FOXJ3: variants seen among roughly 807,000 people sequenced by gnomAD.
The protein encoded by FOXJ3 is forkhead box J3, also known as forkhead box protein J3.
Under a neutral mutation model 76.1 loss-of-function variants are expected in FOXJ3, and 22 were observed. The ratio of observed to expected loss-of-function variants is 0.29; its 90% CI spans 0.21 to 0.41. The LOEUF (loss-of-function observed/expected upper bound fraction) is 0.41. FOXJ3 is among the 10% of genes least tolerant of loss of function. The pLI is 1.00. For missense variants in FOXJ3, 613 were observed against 762.1 expected, an observed-to-expected ratio of 0.80 and a Z score of 2.30; for synonymous variants, 269 against 261.2, an observed-to-expected ratio of 1.03 and a Z score of -0.29.
chr1:42,198,357 G>A (rs1437220321), intron 7 of FOXJ3, among the ~76,000 whole-genome samples: 2 of 151,322 alleles, frequency 1.3e-5, no homozygotes, highest in Non-Finnish European at 1.5e-5. Flanking sequence ...ATTTTCTTTC[G>A]GGTCCCTCCC....
chr1:42,251,706 A>ATTTTTTTTTTTTT (rs1168120638), intron 4 of FOXJ3, among the ~76,000 whole-genome samples: 5 of 87,564 alleles, frequency 5.7e-5, no homozygotes, highest in African/African-American at 2.5e-4. Context: ...GTTTGCCAGT[A>ATTTTTTTTTTTTT]TTTTTTTTTT....
intron 5 of FOXJ3, among the ~76,000 whole-genome samples, chr1:42,221,210 A>C (rs1352627860): frequency 6.6e-6 from 1 of 152,222 alleles, no homozygotes; most frequent in Non-Finnish European, 1.5e-5. Context: ...AAAAAAGCAA[A>C]GAACATCTGA....
chr1:42,189,587 T>C (rs1646502826), intron 9 of FOXJ3, 183 bp from the exon 10 acceptor site: 1 of 488,230 alleles, frequency 2.0e-6, no homozygotes, highest in East Asian at 3.6e-5. Flanking sequence ...AAAGGTATTA[T>C]TTCTCTCCAT....
At chr1:42,313,074 C>A (rs754831093) in intron 1 of FOXJ3, among the ~76,000 whole-genome samples, 27 of 152,284 alleles carry the variant, frequency 1.8e-4, no homozygotes, top group Non-Finnish European at 3.1e-4. Flanking sequence ...GTGGCTCATA[C>A]CTGTAATCCC....
intron 8 of FOXJ3, among the ~76,000 whole-genome samples, 156 bp from the exon 9 acceptor site, chr1:42,191,875 C>T (rs555645850): frequency 6.6e-6 from 1 of 152,302 alleles, no homozygotes; most frequent in South Asian, 2.1e-4. Context: ...ACACTAGGCT[C>T]TGTGGTTATT....
At chr1:42,294,483 G>GC (rs1398009958) in intron 2 of FOXJ3, among the ~76,000 whole-genome samples, 1 of 152,206 alleles carries the variant, frequency 6.6e-6, no homozygotes, top group African/African-American at 2.4e-5. Context: ...TTGAGGCCAG[G>GC]CGCGGTGGCT....
Position 42,220,901 on chromosome 1 carries a change from C to T in FOXJ3, c.528+6982G>A, listed in dbSNP as rs138082595. 9.2e-5 allele frequency among the ~76,000 whole-genome samples: 14 copies of T among 152,284 alleles called. No homozygotes were observed. In the East Asian group the frequency reaches 2.7e-3, roughly 29 times the overall value. ...CTTTTCCTTTTCTCAAAAGGAAAGTCTCCTAGGATAGATACAAAATCTTTC... is the reference window on the plus strand; with the variant it reads ...CTTTTCCTTTTCTCAAAAGGAAAGTTTCCTAGGATAGATACAAAATCTTTC... On this transcript the variant is annotated intron_variant, in intron 5 of 12. Transcript: ENST00000361346.
At chr1:42,228,406 G>T (rs532630430) in intron 4 of FOXJ3, among the ~76,000 whole-genome samples, 1 of 152,118 alleles carries the variant, frequency 6.6e-6, no homozygotes, top group South Asian at 2.1e-4. Flanking sequence ...TATAGTAAGT[G>T]TTCCTGAGAA....
At chr1:42,243,253 C>G (rs764393782) in intron 4 of FOXJ3, among the ~76,000 whole-genome samples, 1 of 152,032 alleles carries the variant, frequency 6.6e-6, no homozygotes, top group Non-Finnish European at 1.5e-5. Context: ...TAAAAACTCA[C>G]TGGTAGAACG....
chr1:42,263,359 C>G (rs1472256566), intron 4 of FOXJ3, among the ~76,000 whole-genome samples: 2 of 151,764 alleles, frequency 1.3e-5, no homozygotes, highest in African/African-American at 2.4e-5. Flanking sequence ...TTTACAGAAC[C>G]CAAATAGTAA....
intron 3 of FOXJ3, among the ~76,000 whole-genome samples, chr1:42,265,440 T>C (rs1484588442): frequency 6.6e-6 from 1 of 152,200 alleles, no homozygotes; most frequent in Non-Finnish European, 1.5e-5. Context: ...TTTTAAGTGC[T>C]TATGACTTTT....
chr1:42,185,502 C>T (rs141428016), intron 11 of FOXJ3, among the ~76,000 whole-genome samples: 209 of 151,838 alleles, frequency 1.4e-3, no homozygotes, highest in African/African-American at 4.6e-3. Context: ...CCTCATGATC[C>T]GCCTGCCTCG....
At chr1:42,235,007 T>C (rs1236674348) in intron 4 of FOXJ3, among the ~76,000 whole-genome samples, 1 of 152,066 alleles carries the variant, frequency 6.6e-6, no homozygotes, top group East Asian at 1.9e-4. Context: ...AGAGGTGGAG[T>C]CTACAGAGTA....
chr1:42,181,370 A>G (rs746516837), intron 12 of FOXJ3, among the ~76,000 whole-genome samples: 6 of 152,178 alleles, frequency 3.9e-5, no homozygotes, highest in African/African-American at 7.2e-5. Flanking sequence ...TTAACACCTA[A>G]AATTTACCTT....
chr1:42,228,757 CTCTATACACA>C (rs1647806556), intron 4 of FOXJ3, among the ~76,000 whole-genome samples: 2 of 152,056 alleles, frequency 1.3e-5, no homozygotes, highest in African/African-American at 4.8e-5. Context: ...ATTATCCTGC[CTCTATACACA>C]CACACATGGG....
intron 8 of FOXJ3, among the ~76,000 whole-genome samples, chr1:42,192,433 GA>G (rs1342371343): frequency 6.6e-6 from 1 of 152,100 alleles, no homozygotes; most frequent in African/African-American, 2.4e-5. Context: ...ATAAAGTAAG[GA>G]GGCTTAAAGG....
intron 2 of FOXJ3, among the ~76,000 whole-genome samples, chr1:42,282,083 GAAAC>G (rs896077341): frequency 8.0e-5 from 12 of 150,508 alleles, no homozygotes; most frequent in African/African-American, 4.9e-5. Context: ...AAAAAAAAAA[GAAAC>G]AAACAAACTT....
At chr1:42,230,184 G>T (rs918112935) in intron 4 of FOXJ3, among the ~76,000 whole-genome samples, 3 of 152,166 alleles carry the variant, frequency 2.0e-5, no homozygotes, top group African/African-American at 7.2e-5. Context: ...AACTAATTGT[G>T]AAATCTTCCA....
chr1:42,320,612 G>A (rs1454761129), intron 1 of FOXJ3, among the ~76,000 whole-genome samples: 6 of 152,102 alleles, frequency 3.9e-5, no homozygotes, highest in African/African-American at 1.4e-4. Context: ...AAAGGTATAT[G>A]AAATTAGAGG....
Sources: allele counts gnomAD v4.1 joint callset (sites outside exome capture counted in the v4.1 genomes callset), GRCh38; gene constraint gnomAD v4.1.1; transcripts MANE v1.5; gene names NCBI Gene and HGNC (gene_info 2026-07-23, HGNC 2026-07-21).